AMOTL2: variants seen among roughly 807,000 people sequenced by gnomAD.
The protein encoded by AMOTL2 is angiomotin like 2.
AMOTL2 carries 33 observed loss-of-function variants against 78.4 expected under a neutral mutation model. That is an observed-to-expected ratio of 0.42 (90% confidence interval 0.32 to 0.56). The LOEUF (loss-of-function observed/expected upper bound fraction) is 0.56, where lower values mean the gene tolerates loss of function less well. Among genes scored for constraint, AMOTL2 ranks in the 20% least tolerant of loss-of-function variants. The pLI is 0.12. For missense variants in AMOTL2, 983 were observed against 1,030.1 expected, an observed-to-expected ratio of 0.95 and a Z score of 0.63; for synonymous variants, 422 against 428.8, an observed-to-expected ratio of 0.98 and a Z score of 0.20.
At chr3:134,373,838 C>T in intron 1 of AMOTL2, 1 of 985,300 alleles carries the variant, frequency 1.0e-6, no homozygotes, top group Non-Finnish European at 1.2e-6. Context: ...CCGGGCTGGA[C>T]AGCAGGCTGC....
intron 2 of AMOTL2, among the ~76,000 whole-genome samples, chr3:134,369,737 C>G (rs760590393): frequency 6.6e-6 from 1 of 152,196 alleles, no homozygotes; most frequent in Non-Finnish European, 1.5e-5. Context: ...CTTGGGCCAC[C>G]AGAGGAAGAG....
chr3:134,364,908 A>G (rs193168272), intron 5 of AMOTL2, among the ~76,000 whole-genome samples: 1 of 152,178 alleles, frequency 6.6e-6, no homozygotes, highest in East Asian at 1.9e-4. Flanking sequence ...AACTGTTCTT[A>G]GTCTCTTCTG....
chr3:134,359,560 C>T (rs1559795256), intron 7 of AMOTL2, 57 bp from the exon 8 acceptor site: 2 of 1,429,370 alleles, frequency 1.4e-6, no homozygotes, highest in Non-Finnish European at 1.9e-6. Context: ...ACAGCCTCCA[C>T]CCTTCCTGCC....
At chr3:134,363,481 A>T (rs1224998343) in intron 5 of AMOTL2, among the ~76,000 whole-genome samples, 1 of 152,152 alleles carries the variant, frequency 6.6e-6, no homozygotes, top group Non-Finnish European at 1.5e-5. Flanking sequence ...ATCTCATTTC[A>T]GCCTTAGCAT....
chr3:134,369,405 C>T (rs948434489), intron 2 of AMOTL2, among the ~76,000 whole-genome samples: 2 of 152,216 alleles, frequency 1.3e-5, no homozygotes, highest in South Asian at 4.1e-4. Context: ...CCTCTCCCTC[C>T]CCTGCTTTTT....
chr3:134,375,399 C>A, upstream of AMOTL2: 2 of 706,892 alleles, frequency 2.8e-6, no homozygotes, highest in South Asian at 1.6e-5. Context: ...GCAGCGTGCC[C>A]AGAGTCACAC....
At chr3:134,366,562 A>C in intron 3 of AMOTL2, 135 bp from the exon 4 acceptor site, 1 of 850,092 alleles carries the variant, frequency 1.2e-6, no homozygotes, top group East Asian at 2.7e-5. Flanking sequence ...CCAGGTGACT[A>C]TGGTGGGATG....
At position 134,371,475 on chromosome 3, in the gene AMOTL2, G is replaced by A; in HGVS notation, c.-42C>T. On this transcript the variant is annotated 5_prime_UTR_variant, in exon 2 of 10. Transcript: ENST00000249883. ...CACAGCTGCCTGGACAATGGCCGGT[G>A]GCACCTGGCCCCAGAGCACCTGGAG... The A allele has an allele frequency of 1.3e-6, 2 of 1,590,886 alleles. No individual in the cohort carries two copies. Among genetic ancestry groups the A allele is most frequent in the Non-Finnish European group, 1.7e-6 (2 of 1,173,192 alleles).
chr3:134,361,922 A>G (rs2017386547), intron 5 of AMOTL2, 115 bp from the exon 6 acceptor site: 1 of 910,798 alleles, frequency 1.1e-6, no homozygotes. Context: ...TCTCTCAAAA[A>G]TAACAGGAAT....
chr3:134,365,741 C>A, intron 5 of AMOTL2, 76 bp downstream of exon 5: 2 of 1,374,290 alleles, frequency 1.5e-6, no homozygotes, highest in South Asian at 2.5e-5. Context: ...GAAGGCCAAT[C>A]TTCCTAGTCC....
chr3:134,358,775 G>C (rs1254547874), intron 8 of AMOTL2, 56 bp from the exon 9 acceptor site: 1 of 1,600,738 alleles, frequency 6.2e-7, no homozygotes, highest in Admixed American at 1.7e-5. Context: ...CCCTGGTGAA[G>C]GACACTCTAA....
Position 134,374,326 on chromosome 3 carries a change from G to A in AMOTL2, c.-62+16C>T, listed in dbSNP as rs946509884. The A allele has an allele frequency of 1.6e-4, 153 of 985,406 alleles. No homozygotes were observed. In the African/African-American group the frequency reaches 2.5e-3, roughly 16 times the overall value. 61.0% of individuals were successfully genotyped at this position (985,406 alleles called of 1,614,324 possible). A position where few individuals can be genotyped will look rare whatever the true frequency, so the allele number is the denominator to read the frequency against. ...GGCCTCGCGCGCTCTCCCGAGCGCCGAGCGGCCTTCCTTACCGCTGCGGCC... is the reference window on the plus strand; with the variant it reads ...GGCCTCGCGCGCTCTCCCGAGCGCCAAGCGGCCTTCCTTACCGCTGCGGCC... On this transcript the variant is annotated intron_variant, in intron 1 of 9. Coordinates refer to ENST00000249883, the MANE Select transcript of AMOTL2 (RefSeq NM_016201.4).
In AMOTL2 at chr3:134,372,669, G is replaced by A. The variant is rs112084131; in HGVS notation, c.-61-1175C>T. Among the ~76,000 whole-genome samples the A allele has an allele frequency of 7.5e-3, 1,148 of 152,144 alleles. 3 individuals are homozygous for A. The highest frequency in any genetic ancestry group is 0.011 in the Non-Finnish European group (719 of 67,998). On this transcript the variant is annotated intron_variant, in intron 1 of 9. Transcript: ENST00000249883. ...TGTCAAGGAAGCCCATCTTGACTTGGGCCAACTGGAGAAGTAAGGGGAGGC... is the reference window on the plus strand; with the variant it reads ...TGTCAAGGAAGCCCATCTTGACTTGAGCCAACTGGAGAAGTAAGGGGAGGC...
At chr3:134,367,077 C>A (rs1188083930) in intron 3 of AMOTL2, among the ~76,000 whole-genome samples, 1 of 152,090 alleles carries the variant, frequency 6.6e-6, no homozygotes, top group Non-Finnish European at 1.5e-5. Context: ...TCCAACAAGT[C>A]GCCCATTTTT....
At position 134,371,416 on chromosome 3, in the gene AMOTL2, G is replaced by A; in HGVS notation, c.18C>T (p.Asp6=). 1 of 1,603,420 alleles carries A rather than the reference G, an allele frequency of 6.2e-7. No individual in the cohort carries two copies. The highest frequency in any genetic ancestry group is 8.5e-7 in the Non-Finnish European group (1 of 1,179,976). MRTLE[D]SSGTVLHRLI... is the part of the protein sequence containing the mutation. ...GGCGGTGCAGGACTGTCCCCGAGGA[G>A]TCTTCCAGTGTCCTCATGCTTCTTT... Residue 6 remains aspartate, a synonymous_variant, in exon 2 of 10, where the codon GAC becomes GAT. Coordinates refer to ENST00000249883, the MANE Select transcript of AMOTL2 (RefSeq NM_016201.4).
chr3:134,373,368 C>T, intron 1 of AMOTL2: 2 of 714,684 alleles, frequency 2.8e-6, no homozygotes, highest in Non-Finnish European at 3.4e-6. Context: ...CCAGGCGCTC[C>T]ATAGTGTGCC....
upstream of AMOTL2, chr3:134,374,529 G>GT: frequency 3.0e-6 from 3 of 985,496 alleles, no homozygotes; most frequent in Non-Finnish European, 3.6e-6. Context: ...AGAGTTTCAG[G>GT]TTCCCCCTCG....
In AMOTL2 at chr3:134,360,384, A is replaced by C; in HGVS notation, c.1605T>G (p.Ser535Arg). The C allele has an allele frequency of 6.2e-7, 1 of 1,612,828 alleles. No homozygotes were observed. The highest frequency in any genetic ancestry group is 8.5e-7 in the Non-Finnish European group (1 of 1,179,262). Reference protein sequence around the residue: ...QRQAGAPGGSSGSGGSPELSA... With the variant: ...QRQAGAPGGSRGSGGSPELSA... Reference sequence around the variant, plus strand: ...TGAGCTCTGGAGACCCACCACTGCCACTGCTACCACCTGGGGCACCTGCCT... The same window carrying C: ...TGAGCTCTGGAGACCCACCACTGCCCCTGCTACCACCTGGGGCACCTGCCT... The change falls in exon 7 of 10, where the codon AGT (serine) becomes AGG (arginine). Residue 535 changes from serine to arginine, a missense_variant. Physicochemically the swap from Ser to Arg is moderately radical, Grantham distance 110. Coordinates refer to ENST00000249883, the MANE Select transcript of AMOTL2 (RefSeq NM_016201.4).
At chr3:134,374,687 C>A (rs2018025082), upstream of AMOTL2, 1 of 982,566 alleles carries the variant, frequency 1.0e-6, no homozygotes. Context: ...CTCCGTTCCT[C>A]CGCGCCCAGC....
Sources: gnomAD v4.1 joint callset for allele counts (sites outside exome capture counted in the v4.1 genomes callset) on GRCh38, gnomAD v4.1.1 for gene constraint, MANE v1.5 for transcripts, NCBI Gene and HGNC (gene_info 2026-07-23, HGNC 2026-07-21) for gene names.